The following ZMYND11 variants were observed in gnomAD, a reference collection of about 807,000 sequenced individuals.
ZMYND11 encodes the protein zinc finger MYND domain-containing protein 11.
Under a neutral mutation model 84.9 loss-of-function variants are expected in ZMYND11, and 9 were observed. The observed-to-expected ratio is 0.11, with a 90% CI of 0.06 to 0.18. The LOEUF (loss-of-function observed/expected upper bound fraction) is 0.18, where lower values mean the gene tolerates loss of function less well. Ranked by LOEUF, ZMYND11 falls within the 10% of genes least tolerant of loss-of-function variation. The pLI is 1.00. For missense variants in ZMYND11, 409 were observed against 761.0 expected (o/e 0.54, Z 5.44); for synonymous variants, 250 against 244.1 (o/e 1.02, Z -0.23).
At chr10:250,210 G>T (rs1471639494) in intron 14 of ZMYND11, among the ~76,000 whole-genome samples, 1 of 152,190 alleles carries the variant, frequency 6.6e-6, no homozygotes, top group East Asian at 1.9e-4. Context: ...TGTGTTCCAG[G>T]TGCTTCTCCC....
At chr10:241,902 G>GAGTT (rs2131805434) in intron 9 of ZMYND11, 119 bp from the exon 10 acceptor site, 1 of 1,258,348 alleles carries the variant, frequency 7.9e-7, no homozygotes, top group Non-Finnish European at 1.1e-6. Flanking sequence ...ATGTGTTTAG[G>GAGTT]AGTTATGAAA....
chr10:250,657 G>A (rs1953255372), intron 14 of ZMYND11, among the ~76,000 whole-genome samples: 1 of 152,158 alleles, frequency 6.6e-6, no homozygotes, highest in Non-Finnish European at 1.5e-5. Flanking sequence ...AGAATTTGAG[G>A]CTTATGAGAT....
intron 2 of ZMYND11, among the ~76,000 whole-genome samples, chr10:208,272 G>T (rs1045884644): frequency 2.0e-5 from 3 of 152,170 alleles, no homozygotes; most frequent in African/African-American, 7.2e-5. Flanking sequence ...AAAAGCAATG[G>T]CAACAAAAGC....
At chr10:149,433 C>G (rs1839782306) in intron 1 of ZMYND11, among the ~76,000 whole-genome samples, 1 of 151,860 alleles carries the variant, frequency 6.6e-6, no homozygotes, top group Non-Finnish European at 1.5e-5. Context: ...GCATCAGCCT[C>G]CCAAGTAGCT....
At chr10:237,748 A>T (rs1468195298) in intron 6 of ZMYND11, 71 bp downstream of exon 6, 5 of 1,242,328 alleles carry the variant, frequency 4.0e-6, no homozygotes, top group Non-Finnish European at 4.5e-6. Context: ...ATAATGTAGC[A>T]GTTAAGCAGA....
At chr10:218,278 GTTA>G (rs1339712574) in intron 3 of ZMYND11, among the ~76,000 whole-genome samples, 1 of 151,958 alleles carries the variant, frequency 6.6e-6, no homozygotes, top group African/African-American at 2.4e-5. Context: ...CTGTCTTTTC[GTTA>G]TTAATTAGCA....
intron 1 of ZMYND11, among the ~76,000 whole-genome samples, chr10:150,680 G>A (rs1840120763): frequency 6.6e-6 from 1 of 152,160 alleles, no homozygotes; most frequent in Admixed American, 6.6e-5. Context: ...CGAACAAAAG[G>A]CAACAGAAAC....
At chr10:162,304 C>A (rs1174770148) in intron 1 of ZMYND11, among the ~76,000 whole-genome samples, 1 of 152,060 alleles carries the variant, frequency 6.6e-6, no homozygotes, top group Non-Finnish European at 1.5e-5. Context: ...TCACAGATCA[C>A]CATAACTCAA....
In ZMYND11 at chr10:250,974, G is replaced by A. The variant is rs554114390; in HGVS notation, c.1687-1374G>A. Among the ~76,000 whole-genome samples the A allele has an allele frequency of 3.3e-5, 5 of 150,912 alleles. No homozygotes were observed. The East Asian group carries it at 9.9e-4, about 30-fold the overall frequency. ...GGAGGCAGAGATCAAAATGAGCTGAGATTGTGCCACTGCACTCCAGCCTGG... is the reference window on the plus strand; with the variant it reads ...GGAGGCAGAGATCAAAATGAGCTGAAATTGTGCCACTGCACTCCAGCCTGG... On this transcript the variant is annotated intron_variant, in intron 14 of 14. Transcript: ENST00000381604.
At chr10:153,187 T>C (rs1406514577) in intron 1 of ZMYND11, among the ~76,000 whole-genome samples, 2 of 152,228 alleles carry the variant, frequency 1.3e-5, no homozygotes, top group African/African-American at 4.8e-5. Flanking sequence ...TTTTATCAGA[T>C]ATGAAGTCTA....
At chr10:181,771 GA>G (rs199767832) in intron 2 of ZMYND11, among the ~76,000 whole-genome samples, 3 of 151,002 alleles carry the variant, frequency 2.0e-5, no homozygotes, top group African/African-American at 2.4e-5. Flanking sequence ...GATAGTAGAA[GA>G]AAAAAAAGAT....
intron 1 of ZMYND11, among the ~76,000 whole-genome samples, chr10:162,190 TG>T (rs1376419519): frequency 6.6e-6 from 1 of 152,154 alleles, no homozygotes; most frequent in Non-Finnish European, 1.5e-5. Context: ...GAGCAGTTGG[TG>T]GGGCAGTCAG....
chr10:154,670 C>T (rs782502819), intron 1 of ZMYND11, among the ~76,000 whole-genome samples: 3 of 151,916 alleles, frequency 2.0e-5, no homozygotes, highest in Non-Finnish European at 4.4e-5. Flanking sequence ...TAATGAGAAT[C>T]GATGTAGGTA....
chr10:168,112 A>C (rs1844435071), intron 1 of ZMYND11, among the ~76,000 whole-genome samples: 1 of 152,122 alleles, frequency 6.6e-6, no homozygotes, highest in Non-Finnish European at 1.5e-5. Context: ...GAAGGTTTAA[A>C]ATATGGGATG....
At chr10:241,941 G>A in intron 9 of ZMYND11, 80 bp from the exon 10 acceptor site, 1 of 1,489,858 alleles carries the variant, frequency 6.7e-7, no homozygotes, top group Non-Finnish European at 9.2e-7. Context: ...TGGATTATAT[G>A]TGACTAGTTT....
At chr10:229,599 A>G (rs1288171507) in intron 4 of ZMYND11, among the ~76,000 whole-genome samples, 1 of 152,130 alleles carries the variant, frequency 6.6e-6, no homozygotes, top group African/African-American at 2.4e-5. Flanking sequence ...AATACTAGCA[A>G]TTAGTGTGAT....
rs1359126623 is a variant in ZMYND11 at position 159,084 on chromosome 10, TTTTTC to T, written c.-19-20906_-19-20902del. Among the ~76,000 whole-genome samples the T allele has an allele frequency of 2.0e-5, 3 of 151,444 alleles. 1 individual carries two copies. Among genetic ancestry groups the T allele is most frequent in the Non-Finnish European group, 4.4e-5 (3 of 67,892 alleles). On this transcript the variant is annotated intron_variant, in intron 1 of 14. Transcript: ENST00000381604. The stretch of plus-strand genomic sequence containing the variant: ...TTTTTAATGTTGAAGTCCACTTTAT[TTTTTC>T]TTTAGTTGCATTTTGACATGATCCC...
intron 2 of ZMYND11, among the ~76,000 whole-genome samples, chr10:205,185 T>C (rs1257505177): frequency 1.3e-5 from 2 of 152,186 alleles, no homozygotes; most frequent in Non-Finnish European, 2.9e-5. Flanking sequence ...AAGGTTCTGT[T>C]TTATTCTGTG....
intron 4 of ZMYND11, among the ~76,000 whole-genome samples, chr10:225,790 C>A (rs756429168): frequency 2.0e-5 from 3 of 152,210 alleles, no homozygotes; most frequent in Admixed American, 2.0e-4. Flanking sequence ...GGCTTGCAAG[C>A]CTGCTGGTGA....
Sources: gnomAD v4.1 joint callset for allele counts (sites outside exome capture counted in the v4.1 genomes callset) on GRCh38, gnomAD v4.1.1 for gene constraint, MANE v1.5 for transcripts, NCBI Gene and HGNC (gene_info 2026-07-23, HGNC 2026-07-21) for gene names.